Variants in STAG3 observed in about 807,000 individuals in gnomAD.
The protein encoded by STAG3 is cohesin subunit SA-3.
A neutral mutation model predicts 160.7 loss-of-function variants in STAG3; 101 were observed. The observed-to-expected ratio is 0.63, with a 90% CI of 0.54 to 0.74. The LOEUF is 0.74. Ranked by LOEUF, STAG3 falls within the 30% of genes least tolerant of loss-of-function variation. The pLI is 0.00. For missense variants in STAG3, 1,188 were observed against 1,517.4 expected, an observed-to-expected ratio of 0.78 and a Z score of 3.61; for synonymous variants, 519 against 585.0, an observed-to-expected ratio of 0.89 and a Z score of 1.63.
At chr7:100,213,652 C>T in intron 32 of STAG3, 83 bp from the exon 33 acceptor site, 1 of 1,604,124 alleles carries the variant, frequency 6.2e-7, no homozygotes, top group Non-Finnish European at 8.5e-7. Context: ...TCTTATGAGG[C>T]TGGGAAAGGA....
intron 21 of STAG3, 164 bp downstream of exon 21, chr7:100,201,515 G>A (rs1801133097): frequency 1.5e-6 from 1 of 653,268 alleles, no homozygotes; most frequent in African/African-American, 1.8e-5. Context: ...CTTAGAAGGT[G>A]GACTCTACTT....
In STAG3 at chr7:100,204,016, C is replaced by G; in HGVS notation, c.2701-5C>G. 2 of 1,604,456 alleles carry G rather than the reference C, an allele frequency of 1.2e-6. No individual in the cohort carries two copies. Among genetic ancestry groups the G allele is most frequent in the Admixed American group, 3.3e-5 (2 of 59,970 alleles). On this transcript the variant is annotated splice_region_variant and splice_polypyrimidine_tract_variant and intron_variant, in intron 25 of 33. Coordinates refer to ENST00000615138, the MANE Select transcript of STAG3 (RefSeq NM_001282717.2). ...GACATTACCTTCCCCACTCTTTCCC[C>G]TCAGTTCTACAATGACTATGGTGAC...
rs1801811876 is a variant in STAG3, at chr7:100,207,951, C to G, written c.3238+2567C>G. Reference sequence around the variant, plus strand: ...CTAACACGGTGAAACCCCGTCTCTACTAAAAATACAAAAAATTAGCCAGGC... The same window carrying G: ...CTAACACGGTGAAACCCCGTCTCTAGTAAAAATACAAAAAATTAGCCAGGC... On this transcript the variant is annotated intron_variant, in intron 29 of 33. Coordinates refer to ENST00000615138, the MANE Select transcript of STAG3 (RefSeq NM_001282717.2). This position sits in a 1 kb window ranked among gnomAD's most constrained non-coding sequence, Gnocchi z 4.0. Among the ~76,000 whole-genome samples, 1 of 151,674 alleles carries G rather than the reference C, an allele frequency of 6.6e-6. No individual in the cohort carries two copies. The highest frequency in any genetic ancestry group is 1.5e-5 in the Non-Finnish European group (1 of 67,860).
At chr7:100,200,425 A>G in intron 17 of STAG3, 28 bp from the exon 18 acceptor site, 2 of 1,613,612 alleles carry the variant, frequency 1.2e-6, no homozygotes, top group Non-Finnish European at 8.5e-7. Context: ...GTCAGCTTGT[A>G]AGGAGGCCTC....
intron 16 of STAG3, among the ~76,000 whole-genome samples, chr7:100,199,982 C>T (rs754164305): frequency 2.6e-4 from 38 of 147,056 alleles, no homozygotes; most frequent in East Asian, 2.3e-3. Context: ...AGGAGAATGG[C>T]GTGAACCTGG....
chr7:100,205,403 G>T lies in STAG3; in HGVS notation c.3238+19G>T. On this transcript the variant is annotated intron_variant, in intron 29 of 33. Coordinates refer to ENST00000615138, the MANE Select transcript of STAG3 (RefSeq NM_001282717.2). ...GTTGAAGGTAGGGTGCTGTGTGTGG[G>T]TATGGGGGTGCCCAGCAGGTGGTCG... The T allele has an allele frequency of 1.3e-6, 2 of 1,579,716 alleles. No individual in the cohort carries two copies. Among genetic ancestry groups the T allele is most frequent in the Non-Finnish European group, 1.7e-6 (2 of 1,164,218 alleles).
At chr7:100,200,413 G>A in intron 17 of STAG3, 40 bp from the exon 18 acceptor site, 2 of 1,613,056 alleles carry the variant, frequency 1.2e-6, no homozygotes, top group East Asian at 2.2e-5. Context: ...AATTAGCAAT[G>A]TGTCAGCTTG....
intron 17 of STAG3, 47 bp from the exon 18 acceptor site, chr7:100,200,406 T>C (rs1562985460): frequency 1.2e-6 from 2 of 1,612,970 alleles, no homozygotes; most frequent in Non-Finnish European, 1.7e-6. Flanking sequence ...GAGTAGGAAT[T>C]AGCAATGTGT....
At chr7:100,186,677 G>A (rs568756987) in intron 5 of STAG3, among the ~76,000 whole-genome samples, 2 of 151,716 alleles carry the variant, frequency 1.3e-5, no homozygotes, top group Non-Finnish European at 2.9e-5. Flanking sequence ...GAGCCAGACT[G>A]TCTTCAAAAA....
rs1802215285 is a variant in STAG3, at chr7:100,211,608, C to T, written c.3518+69C>T. 7 of 1,547,442 alleles carry T rather than the reference C, an allele frequency of 4.5e-6. No individual in the cohort carries two copies. The South Asian group carries it at 6.7e-5, about 15-fold the overall frequency. The stretch of plus-strand genomic sequence containing the variant: ...GCCCACTGTGAGGGGATTCCTGTCT[C>T]ACCCATTGCCTCTCTGTGGGTGCTT... On this transcript the variant is annotated intron_variant, in intron 31 of 33. Transcript: ENST00000615138.
At chr7:100,194,861 G>A (rs1453466077) in intron 8 of STAG3, among the ~76,000 whole-genome samples, 1 of 152,098 alleles carries the variant, frequency 6.6e-6, no homozygotes, top group Non-Finnish European at 1.5e-5. Flanking sequence ...ATAATGAAAA[G>A]GTTTGAAATA....
At position 100,197,857 on chromosome 7, in the gene STAG3, T is replaced by C; in HGVS notation, c.1145T>C (p.Leu382Pro). 6.2e-7 allele frequency: 1 copy of C among 1,613,868 alleles called. No individual in the cohort carries two copies. Among genetic ancestry groups the C allele is most frequent in the Non-Finnish European group, 8.5e-7 (1 of 1,179,954 alleles). The change falls in exon 11 of 34, where the codon CTC becomes CCC. Residue 382 changes from leucine to proline, a missense_variant. This residue lies in a region of STAG3 where 240 missense variants were observed against 358.1 expected (regional missense o/e 0.67). Coordinates refer to ENST00000615138, the MANE Select transcript of STAG3 (RefSeq NM_001282717.2). ...CGGGACCTGACCACACGCCTGGAGC[T>C]CTTCACCAGCCGCTTCAAGGTAAAA... ...GNRDLTTRLE[L>P]FTSRFKDRMV...
downstream of STAG3, among the ~76,000 whole-genome samples, chr7:100,214,795 TGA>T (rs1422484385): frequency 1.3e-5 from 2 of 152,126 alleles, no homozygotes; most frequent in Admixed American, 6.6e-5. Context: ...TCACAGTATC[TGA>T]GAGTTAAAAG....
Position 100,202,592 on chromosome 7 carries a change from T to G in STAG3, c.2700+2T>G. On this transcript the variant is annotated splice_donor_variant, in intron 25 of 33. Transcript: ENST00000615138. LOFTEE classifies it high-confidence loss of function. ...GATGTTTTCAAACACTACAACAAGG[T>G]ACACCAAGGCCCTACAGAAATAAAA... is the stretch of plus-strand genomic sequence containing the variant. 1 of 1,612,480 alleles carries G rather than the reference T, an allele frequency of 6.2e-7. No individual in the cohort carries two copies. Among genetic ancestry groups the G allele is most frequent in the Non-Finnish European group, 8.5e-7 (1 of 1,179,522 alleles).
At position 100,211,833 on chromosome 7, in the gene STAG3, A is replaced by C. The variant is rs148543409; in HGVS notation, c.3557A>C (p.Glu1186Ala). 12 of 1,614,054 alleles carry C rather than the reference A, an allele frequency of 7.4e-6. No individual in the cohort carries two copies. Among genetic ancestry groups the C allele is most frequent in the Non-Finnish European group, 1.0e-5 (12 of 1,180,046 alleles). Residue 1186 changes from glutamate to alanine, a missense_variant, in exon 32 of 34, where the codon GAA becomes GCA. Coordinates refer to ENST00000615138, the MANE Select transcript of STAG3 (RefSeq NM_001282717.2). ...GAAGAGGACGAGGAAGAAGAGTTAG[A>C]AATCCAGGATGAGTCAAATGAAGAA... ...LMEEDEEEEL[E>A]IQDESNEERQ...
intron 18 of STAG3, 25 bp downstream of exon 18, chr7:100,200,567 T>C: frequency 6.2e-7 from 1 of 1,611,640 alleles, no homozygotes; most frequent in Non-Finnish European, 8.5e-7. Context: ...TTCCTATACC[T>C]TGCTGCTTGC....
chr7:100,206,853 A>G (rs1010657128), intron 29 of STAG3, among the ~76,000 whole-genome samples: 1 of 152,180 alleles, frequency 6.6e-6, no homozygotes, highest in African/African-American at 2.4e-5. Flanking sequence ...GAACATTTTC[A>G]TCTTTCCAAA....
At position 100,204,732 on chromosome 7, in the gene STAG3, C is replaced by T; in HGVS notation, c.2908C>T (p.Pro970Ser). The T allele has an allele frequency of 6.2e-7, 1 of 1,613,988 alleles. No homozygotes were observed. The highest frequency in any genetic ancestry group is 8.5e-7 in the Non-Finnish European group (1 of 1,180,002). The change falls in exon 27 of 34, where the codon CCC becomes TCC. Residue 970 changes from proline (P) to serine (S), a missense_variant. Pro to Ser is a moderately conservative substitution (Grantham distance 74, BLOSUM62 -1). This residue lies in a region of STAG3 where 647 missense variants were observed against 717.2 expected (regional missense o/e 0.90). Transcript: ENST00000615138. Reference sequence around the variant, plus strand: ...CCGGAGGTTTGCCTTGAGTTTTGGACCCCAGCAGCTGCAGAACCGTGACCT... The same window carrying T: ...CCGGAGGTTTGCCTTGAGTTTTGGATCCCAGCAGCTGCAGAACCGTGACCT... The part of the protein sequence containing the change: ...LARRFALSFG[P>S]QQLQNRDLVV...
intron 1 of STAG3, among the ~76,000 whole-genome samples, chr7:100,179,488 G>C (rs542205344): frequency 6.6e-6 from 1 of 151,866 alleles, no homozygotes; most frequent in South Asian, 2.1e-4. Flanking sequence ...GCCGCCTAAA[G>C]TTCTGGGATT....
Sources: allele counts gnomAD v4.1 joint callset (sites outside exome capture counted in the v4.1 genomes callset), GRCh38; gene constraint gnomAD v4.1.1; regional missense constraint gnomAD v4.1.1; non-coding constraint Gnocchi (gnomAD v3.1); transcripts MANE v1.5; gene names NCBI Gene and HGNC (gene_info 2026-07-23, HGNC 2026-07-21).